Variants in PCDH15 observed in about 807,000 individuals in gnomAD.
PCDH15 encodes the protein protocadherin-15.
Under a neutral mutation model 178.5 loss-of-function variants are expected in PCDH15, and 129 were observed. The observed-to-expected ratio is 0.72, with a 90% CI of 0.63 to 0.84. The LOEUF (loss-of-function observed/expected upper bound fraction) is 0.84. Among genes scored for constraint, PCDH15 ranks in the 40% least tolerant of loss-of-function variants. The pLI is 0.00. For synonymous variants in PCDH15, 800 were observed against 732.0 expected, an observed-to-expected ratio of 1.09 and a Z score of -1.50; for missense variants, 2,230 against 2,099.9, an observed-to-expected ratio of 1.06 and a Z score of -1.21.
intron 2 of PCDH15, among the ~76,000 whole-genome samples, chr10:55,459,198 G>A (rs1158679736): frequency 7.5e-6 from 1 of 132,558 alleles, no homozygotes; most frequent in Non-Finnish European, 1.5e-5. Context: ...TAAATAAATA[G>A]AGAGGGCAAT....
At chr10:54,902,679 T>A (rs1351880559) in intron 2 of PCDH15, among the ~76,000 whole-genome samples, 1 of 152,204 alleles carries the variant, frequency 6.6e-6, no homozygotes, top group Non-Finnish European at 1.5e-5. Flanking sequence ...AGAAGATATG[T>A]CATTTCTGGG....
At chr10:54,162,262 G>C (rs982161977) in intron 13 of PCDH15, among the ~76,000 whole-genome samples, 2 of 152,008 alleles carry the variant, frequency 1.3e-5, no homozygotes, top group Non-Finnish European at 2.9e-5. Flanking sequence ...TTAAACCACT[G>C]TATGTTCCTC....
chr10:55,023,100 C>A (rs1275885313), intron 2 of PCDH15, among the ~76,000 whole-genome samples: 2 of 152,208 alleles, frequency 1.3e-5, no homozygotes, highest in East Asian at 3.9e-4. Flanking sequence ...CGCCACCACG[C>A]CCGGTGAAGT....
chr10:53,993,854 T>A (rs1188020707), intron 21 of PCDH15, among the ~76,000 whole-genome samples: 2 of 152,128 alleles, frequency 1.3e-5, no homozygotes, highest in Non-Finnish European at 2.9e-5. Context: ...AAACTGAGTC[T>A]GATAAATATA....
chr10:54,384,661 TA>T (rs1422603713), intron 3 of PCDH15, among the ~76,000 whole-genome samples: 9 of 152,218 alleles, frequency 5.9e-5, no homozygotes, highest in African/African-American at 1.7e-4. Flanking sequence ...GTACTTTGGA[TA>T]GGGGAAGTAA....
At chr10:54,183,714 A>C in intron 12 of PCDH15, 121 bp from the exon 13 acceptor site, 1 of 1,162,088 alleles carries the variant, frequency 8.6e-7, no homozygotes, top group Admixed American at 1.8e-5. Flanking sequence ...GGGTGCAAAA[A>C]TATTTTGTTG....
chr10:55,455,751 C>T (rs944081462), intron 2 of PCDH15, among the ~76,000 whole-genome samples: 1 of 151,884 alleles, frequency 6.6e-6, no homozygotes, highest in Non-Finnish European at 1.5e-5. Context: ...TATTAATGAC[C>T]TCCTCAATTT....
At chr10:55,235,398 T>C (rs1466968098) in intron 1 of PCDH15, among the ~76,000 whole-genome samples, 1 of 152,178 alleles carries the variant, frequency 6.6e-6, no homozygotes, top group East Asian at 1.9e-4. Flanking sequence ...GCTGTCTTTG[T>C]ACTTTATAAA....
chr10:54,521,992 G>T (rs2082919113), intron 3 of PCDH15, among the ~76,000 whole-genome samples: 1 of 150,046 alleles, frequency 6.7e-6, no homozygotes, highest in Middle Eastern at 3.2e-3. Context: ...GGAGGCTGAG[G>T]CAGGAGAATG....
intron 3 of PCDH15, among the ~76,000 whole-genome samples, chr10:54,508,892 A>C (rs2081394289): frequency 6.6e-6 from 1 of 152,134 alleles, no homozygotes; most frequent in Non-Finnish European, 1.5e-5. Flanking sequence ...GTATTACATA[A>C]TGAGATATCA....
intron 1 of PCDH15, among the ~76,000 whole-genome samples, chr10:55,214,556 CT>C (rs150207975): frequency 0.15 from 22,517 of 146,700 alleles, 1,810 homozygotes; most frequent in East Asian, 0.28. Flanking sequence ...GGTATTTATT[CT>C]TTTTTTTTTG....
intron 3 of PCDH15, among the ~76,000 whole-genome samples, chr10:54,396,891 G>T (rs1259975915): frequency 6.6e-6 from 1 of 151,588 alleles, no homozygotes; most frequent in Non-Finnish European, 1.5e-5. Context: ...CAAATATTCC[G>T]ACAGTGGAAA....
intron 23 of PCDH15, among the ~76,000 whole-genome samples, chr10:53,949,563 T>C (rs73248547): frequency 0.014 from 2,063 of 151,984 alleles, 56 homozygotes; most frequent in African/African-American, 0.048. Flanking sequence ...CAAGACACTG[T>C]CACTACAAAA....
At chr10:54,185,452 A>G (rs1468581596) in intron 11 of PCDH15, among the ~76,000 whole-genome samples, 184 bp from the exon 12 acceptor site, 1 of 152,142 alleles carries the variant, frequency 6.6e-6, no homozygotes, top group Non-Finnish European at 1.5e-5. Context: ...AAAGATGGTG[A>G]CCTATATCGT....
intron 2 of PCDH15, among the ~76,000 whole-genome samples, chr10:54,966,512 T>C (rs940400646): frequency 7.9e-5 from 12 of 152,126 alleles, no homozygotes; most frequent in Non-Finnish European, 1.6e-4. Context: ...TATGTTACTC[T>C]ACTGAATACT....
At chr10:54,380,244 T>G (rs930030049) in intron 3 of PCDH15, among the ~76,000 whole-genome samples, 1 of 151,992 alleles carries the variant, frequency 6.6e-6, no homozygotes, top group Non-Finnish European at 1.5e-5. Flanking sequence ...AAATGGCACA[T>G]TTTTTGCACT....
At chr10:55,144,574 T>C (rs1382761991) in intron 2 of PCDH15, among the ~76,000 whole-genome samples, 2 of 152,056 alleles carry the variant, frequency 1.3e-5, no homozygotes, top group Non-Finnish European at 2.9e-5. Flanking sequence ...ATCAGTCCAC[T>C]TGTAAAAATA....
intron 3 of PCDH15, among the ~76,000 whole-genome samples, chr10:54,525,439 A>G (rs1375852710): frequency 6.6e-6 from 1 of 152,194 alleles, no homozygotes; most frequent in Non-Finnish European, 1.5e-5. Context: ...GAGCAAGGCT[A>G]AAAATAAGTA....
chr10:55,133,578 TG>T (rs1345870988), intron 2 of PCDH15, among the ~76,000 whole-genome samples: 1 of 152,176 alleles, frequency 6.6e-6, no homozygotes, highest in Non-Finnish European at 1.5e-5. Flanking sequence ...ACCTCTTTCC[TG>T]ATTTCTGGAT....
Sources: allele counts gnomAD v4.1 joint callset (sites outside exome capture counted in the v4.1 genomes callset), GRCh38; gene constraint gnomAD v4.1.1; transcripts MANE v1.5; gene names NCBI Gene and HGNC (gene_info 2026-07-23, HGNC 2026-07-21).